The following ERMAP variants were observed in gnomAD, a reference collection of about 807,000 sequenced individuals.
ERMAP encodes erythroblast membrane associated protein (Scianna blood group).
In ERMAP, 34 loss-of-function variants were observed where a neutral mutation model predicts 49.5. The ratio of observed to expected loss-of-function variants is 0.69; its 90% CI spans 0.52 to 0.91. The LOEUF is 0.91. ERMAP is among the 40% of genes least tolerant of loss of function. ERMAP has a pLI of 0.00. For synonymous variants in ERMAP, 214 were observed against 232.2 expected, an observed-to-expected ratio of 0.92 and a Z score of 0.71; for missense variants, 541 against 582.6, an observed-to-expected ratio of 0.93 and a Z score of 0.74.
At chr1:42,833,651 T>C (rs1654814073) in intron 4 of ERMAP, among the ~76,000 whole-genome samples, 1 of 149,872 alleles carries the variant, frequency 6.7e-6, no homozygotes, top group Admixed American at 6.7e-5. Flanking sequence ...GTGATTTTGA[T>C]TTTTTTTTTA....
chr1:42,842,216 C>A (rs988036449), intron 11 of ERMAP, among the ~76,000 whole-genome samples: 4 of 152,186 alleles, frequency 2.6e-5, no homozygotes, highest in Admixed American at 6.5e-5. Flanking sequence ...GGTTCCAACA[C>A]GTGAACTTTT....
At chr1:42,820,384 T>C (rs866439368) in intron 1 of ERMAP, among the ~76,000 whole-genome samples, 2,177 of 144,284 alleles carry the variant, frequency 0.015, 65 homozygotes, top group African/African-American at 0.049. Context: ...AGTTTCTCTT[T>C]TTTTTTTTTT....
intron 11 of ERMAP, among the ~76,000 whole-genome samples, chr1:42,841,155 C>T (rs928895653): frequency 6.6e-6 from 1 of 152,084 alleles, no homozygotes; most frequent in African/African-American, 2.4e-5. Context: ...GTTGGCCACT[C>T]GAGAGAACTC....
Position 42,830,961 on chromosome 1 carries a change from A to C in ERMAP, c.279A>C (p.Glu93Asp). The C allele has an allele frequency of 2.5e-6, 4 of 1,614,216 alleles. No homozygotes were observed. The highest frequency in any genetic ancestry group is 3.4e-6 in the Non-Finnish European group (4 of 1,180,030). ...GKDQDEDLMP[E>D]YKGRTVLVRD... Reference sequence around the variant, plus strand: ...ACCAGGATGAAGATCTGATGCCGGAATATAAGGGGAGGACGGTGCTAGTGA... The same window carrying C: ...ACCAGGATGAAGATCTGATGCCGGACTATAAGGGGAGGACGGTGCTAGTGA... The change falls in exon 4 of 12, where the codon GAA becomes GAC. Residue 93 changes from glutamate (E) to aspartate (D), a missense_variant. Physicochemically the swap from Glu to Asp is conservative, Grantham distance 45. Transcript: ENST00000372517.
intron 11 of ERMAP, among the ~76,000 whole-genome samples, chr1:42,841,059 G>A (rs896599873): frequency 9.2e-5 from 14 of 151,976 alleles, no homozygotes; most frequent in African/African-American, 3.4e-4. Flanking sequence ...TTTTTTCACT[G>A]CTTTGGGATC....
At position 42,819,000 on chromosome 1, in the gene ERMAP, C is replaced by T. The variant is rs1047606190; in HGVS notation, c.-122+1747C>T. Among the ~76,000 whole-genome samples, 6 of 152,130 alleles carry T rather than the reference C, an allele frequency of 3.9e-5. No homozygotes were observed. The East Asian group carries it at 9.6e-4, about 24-fold the overall frequency. ...ATGAACTAGATTACAGCTGAAGACACGGCAGGACCTTTAGAAGCCAGCTAA... is the reference window on the plus strand; with the variant it reads ...ATGAACTAGATTACAGCTGAAGACATGGCAGGACCTTTAGAAGCCAGCTAA... On this transcript the variant is annotated intron_variant, in intron 1 of 11. Transcript: ENST00000372517.
At position 42,840,297 on chromosome 1, in the gene ERMAP, G is replaced by A; in HGVS notation, c.712+1G>A. 1 of 1,614,082 alleles carries A rather than the reference G, an allele frequency of 6.2e-7. No individual in the cohort carries two copies. The highest frequency in any genetic ancestry group is 8.5e-7 in the Non-Finnish European group (1 of 1,180,020). On this transcript the variant is annotated splice_donor_variant, in intron 11 of 11. Transcript: ENST00000372517. LOFTEE classifies it high-confidence loss of function. ...TGGAGAAGAGCCCGGTTGCATTTTGGTAAGTTATACCAATCAAATAGGTCC... is the reference window on the plus strand; with the variant it reads ...TGGAGAAGAGCCCGGTTGCATTTTGATAAGTTATACCAATCAAATAGGTCC...
At chr1:42,837,306 C>A in intron 7 of ERMAP, 116 bp downstream of exon 7, 1 of 1,064,356 alleles carries the variant, frequency 9.4e-7, no homozygotes, top group Non-Finnish European at 1.4e-6. Flanking sequence ...CACACATGCA[C>A]ACATATATCC....
At chr1:42,824,347 C>CA (rs35093689) in intron 1 of ERMAP, 57,717 of 137,452 alleles carry the variant, frequency 0.42, 11,390 homozygotes, top group Non-Finnish European at 0.43. Context: ...GACTCTGTCT[C>CA]AAAAAAAAAA....
chr1:42,835,903 C>T, intron 6 of ERMAP, 139 bp downstream of exon 6: 1 of 1,379,432 alleles, frequency 7.2e-7, no homozygotes, highest in Non-Finnish European at 9.5e-7. Context: ...ATGTCTAAAT[C>T]CGTTGCTTCC....
At chr1:42,818,153 A>G (rs1306688468) in intron 1 of ERMAP, among the ~76,000 whole-genome samples, 1 of 152,242 alleles carries the variant, frequency 6.6e-6, no homozygotes, top group Non-Finnish European at 1.5e-5. Flanking sequence ...CAACTGATAG[A>G]TGCTAAGCAA....
In ERMAP at chr1:42,830,940, G is replaced by C. The variant is rs1654710644; in HGVS notation, c.258G>C (p.Gln86His). The change falls in exon 4 of 12, where the codon CAG (glutamine) becomes CAC (histidine). Residue 86 changes from glutamine (Q) to histidine (H), a missense_variant. Coordinates refer to ENST00000372517, the MANE Select transcript of ERMAP (RefSeq NM_001017922.2). ...AVHIFRDGKD[Q>H]DEDLMPEYKG... Reference sequence around the variant, plus strand: ...ACATATTCCGGGATGGGAAGGACCAGGATGAAGATCTGATGCCGGAATATA... The same window carrying C: ...ACATATTCCGGGATGGGAAGGACCACGATGAAGATCTGATGCCGGAATATA... 1 of 1,614,094 alleles carries C rather than the reference G, an allele frequency of 6.2e-7. No homozygotes were observed.
rs751136417 is a variant in ERMAP at position 42,843,198 on chromosome 1, C to T, written c.1394C>T (p.Pro465Leu). ...IILSLPPDLG[P>L]ALQELKAPSF ...CTGTCCTTGCCCCCTGACCTTGGCC[C>T]AGCCCTTCAGGAGCTCAAGGCTCCT... The change falls in exon 12 of 12, where the codon CCA becomes CTA. Residue 465 changes from proline (P) to leucine (L), a missense_variant. Coordinates refer to ENST00000372517, the MANE Select transcript of ERMAP (RefSeq NM_001017922.2). 5.0e-6 allele frequency: 8 copies of T among 1,604,794 alleles called. No homozygotes were observed. In the South Asian group the frequency reaches 8.9e-5, roughly 18 times the overall value.
intron 3 of ERMAP, 71 bp from the exon 4 acceptor site, chr1:42,830,697 C>T: frequency 6.9e-7 from 1 of 1,446,358 alleles, no homozygotes; most frequent in Non-Finnish European, 9.2e-7. Flanking sequence ...CCGGGATATC[C>T]TCTTCCTCAT....
intron 2 of ERMAP, among the ~76,000 whole-genome samples, chr1:42,827,147 T>G (rs1318787613): frequency 1.3e-5 from 2 of 152,200 alleles, no homozygotes; most frequent in Non-Finnish European, 2.9e-5. Context: ...AAATATCAGG[T>G]ATCAAAACAG....
intron 8 of ERMAP, 198 bp downstream of exon 8, chr1:42,839,119 T>C (rs2124353979): frequency 1.3e-6 from 1 of 758,398 alleles, no homozygotes; most frequent in Admixed American, 2.6e-5. Flanking sequence ...CAACTATTAT[T>C]TAGTCTTTAA....
intron 4 of ERMAP, chr1:42,834,567 GT>G: frequency 6.9e-6 from 2 of 290,600 alleles, no homozygotes; most frequent in Admixed American, 4.0e-5. Context: ...TTGTTTGTTT[GT>G]TTTTGAGATG....
intron 7 of ERMAP, 26 bp from the exon 8 acceptor site, chr1:42,838,875 C>G (rs760719907): frequency 1.3e-5 from 21 of 1,613,958 alleles, no homozygotes; most frequent in Non-Finnish European, 1.7e-5. Context: ...TGATCACTCA[C>G]TCTTCTCTCT....
At position 42,819,206 on chromosome 1, in the gene ERMAP, T is replaced by TGCGC. The variant is rs3048761; in HGVS notation, c.-122+1960_-122+1963dup. Among the ~76,000 whole-genome samples the TGCGC allele has an allele frequency of 0.02, 1,632 of 81,774 alleles. 40 individuals carry two copies. Among genetic ancestry groups the TGCGC allele is most frequent in the African/African-American group, 0.055 (1,573 of 28,584 alleles). The allele number at this position is 81,774 out of a possible 152,430, so 53.6% of individuals were successfully genotyped here. ...GTGTGTGTGTGTGTGTGTGTGTGTG[T>TGCGC]GCGCGCGCGCAAGAGAGGGACCGAG... On this transcript the variant is annotated intron_variant, in intron 1 of 11. Coordinates refer to ENST00000372517, the MANE Select transcript of ERMAP (RefSeq NM_001017922.2). This position sits in a 1 kb window ranked among gnomAD's most constrained non-coding sequence, Gnocchi z 5.1.
Sources: gnomAD v4.1 joint callset for allele counts (sites outside exome capture counted in the v4.1 genomes callset) on GRCh38, gnomAD v4.1.1 for gene constraint, Gnocchi (gnomAD v3.1) non-coding constraint, MANE v1.5 for transcripts, NCBI Gene and HGNC (gene_info 2026-07-23, HGNC 2026-07-21) for gene names.